The following KIF18A variants were observed in gnomAD, a reference collection of about 807,000 sequenced individuals.
KIF18A encodes kinesin family member 18A, also known as kinesin-like protein KIF18A.
In KIF18A, 67 loss-of-function variants were observed where a neutral mutation model predicts 103.3. The ratio of observed to expected loss-of-function variants is 0.65; its 90% CI spans 0.53 to 0.79. The LOEUF (loss-of-function observed/expected upper bound fraction) is 0.79, where lower values mean the gene tolerates loss of function less well. KIF18A is among the 30% of genes least tolerant of loss of function. The pLI is 0.00. For synonymous variants in KIF18A, 367 were observed against 355.5 expected, an observed-to-expected ratio of 1.03 and a Z score of -0.36; for missense variants, 1,032 against 1,062.5, an observed-to-expected ratio of 0.97 and a Z score of 0.40.
intron 6 of KIF18A, 38 bp from the exon 7 acceptor site, chr11:28,084,846 C>A: frequency 1.3e-6 from 2 of 1,522,970 alleles, no homozygotes; most frequent in South Asian, 1.2e-5. Flanking sequence ...TCATTTTCCA[C>A]ATTTAAATGC....
At chr11:28,044,580 T>C (rs1475113399) in intron 13 of KIF18A, among the ~76,000 whole-genome samples, 1 of 152,102 alleles carries the variant, frequency 6.6e-6, no homozygotes, top group African/African-American at 2.4e-5. Flanking sequence ...GTTCCTGCAT[T>C]ATGGCTAGAG....
At chr11:28,045,678 T>C (rs1460781541) in intron 13 of KIF18A, among the ~76,000 whole-genome samples, 3 of 151,970 alleles carry the variant, frequency 2.0e-5, no homozygotes, top group Non-Finnish European at 4.4e-5. Context: ...GGTGGCGGTG[T>C]TGTAAGTGAG....
At chr11:28,077,681 G>A (rs1377265813) in intron 9 of KIF18A, among the ~76,000 whole-genome samples, 4 of 152,076 alleles carry the variant, frequency 2.6e-5, no homozygotes, top group African/African-American at 7.2e-5. Context: ...AAGTGACAGA[G>A]CCAGTTTTTA....
intron 13 of KIF18A, among the ~76,000 whole-genome samples, chr11:28,039,475 T>C (rs1850533126): frequency 6.6e-6 from 1 of 151,734 alleles, no homozygotes; most frequent in African/African-American, 2.4e-5. Flanking sequence ...ACAAGAATTA[T>C]AGAGTCATTA....
In KIF18A at chr11:28,028,331, T is replaced by C. The variant is rs1372288094; in HGVS notation, c.2505-4481A>G. Among the ~76,000 whole-genome samples, 5 of 152,036 alleles carry C rather than the reference T, an allele frequency of 3.3e-5. No individual in the cohort carries two copies. The South Asian group carries it at 1.0e-3, about 31-fold the overall frequency. ...AACAGAAATTAGAACAATCTGTCTC[T>C]CAGAATACAGTGCAATCAAACTAGA... On this transcript the variant is annotated intron_variant, in intron 15 of 16. Coordinates refer to ENST00000263181, the MANE Select transcript of KIF18A (RefSeq NM_031217.4).
At position 28,062,380 on chromosome 11, in the gene KIF18A, A is replaced by C; in HGVS notation, c.1712+15T>G. The C allele has an allele frequency of 6.3e-7, 1 of 1,578,034 alleles. No homozygotes were observed. The highest frequency in any genetic ancestry group is 1.2e-5 in the South Asian group (1 of 83,476). On this transcript the variant is annotated intron_variant, in intron 12 of 16. Transcript: ENST00000263181. ...TAGTGTTAAAATTGGAAAATAGGTAAATGTATGTACTCACGCTTCAGTCTG... is the reference window on the plus strand; with the variant it reads ...TAGTGTTAAAATTGGAAAATAGGTACATGTATGTACTCACGCTTCAGTCTG...
chr11:28,095,600 A>G (rs1181327043), intron 2 of KIF18A, among the ~76,000 whole-genome samples: 1 of 152,222 alleles, frequency 6.6e-6, no homozygotes, highest in Admixed American at 6.5e-5. Flanking sequence ...AATAAATACC[A>G]GATAGATGCC....
chr11:28,091,647 A>T (rs1269010190), intron 3 of KIF18A, 134 bp from the exon 4 acceptor site: 2 of 492,388 alleles, frequency 4.1e-6, no homozygotes, highest in African/African-American at 2.0e-5. Context: ...TATTCACCTC[A>T]TACCTTCGAT....
intron 13 of KIF18A, among the ~76,000 whole-genome samples, chr11:28,048,604 T>G (rs1850670435): frequency 6.6e-6 from 1 of 152,104 alleles, no homozygotes; most frequent in African/African-American, 2.4e-5. Context: ...TATAAGTTAA[T>G]AAAGTATATC....
At chr11:28,022,819 A>G (rs939957494) in intron 16 of KIF18A, among the ~76,000 whole-genome samples, 24 of 152,208 alleles carry the variant, frequency 1.6e-4, no homozygotes, top group Non-Finnish European at 1.5e-5. Flanking sequence ...TGGCTACTAC[A>G]GGAAGCAGGC....
At chr11:28,081,596 C>T (rs1218581083) in intron 9 of KIF18A, among the ~76,000 whole-genome samples, 1 of 152,116 alleles carries the variant, frequency 6.6e-6, no homozygotes, top group Non-Finnish European at 1.5e-5. Flanking sequence ...CTAATGCTCA[C>T]TGACAATACA....
At chr11:28,065,249 C>T (rs1029542778) in intron 11 of KIF18A, among the ~76,000 whole-genome samples, 1 of 151,824 alleles carries the variant, frequency 6.6e-6, no homozygotes, top group Non-Finnish European at 1.5e-5. Context: ...GTCCCTTTAT[C>T]GTAAAGTTAT....
Position 28,045,622 on chromosome 11 carries a change from T to C in KIF18A, c.1949-8958A>G, listed in dbSNP as rs1040764643. Among the ~76,000 whole-genome samples, 9 of 152,216 alleles carry C rather than the reference T, an allele frequency of 5.9e-5. 1 individual carries two copies. In the Middle Eastern group the frequency reaches 0.017, roughly 288 times the overall value. ...TATATAACATACACATGTCACTTCT[T>C]ACCTGATCCTGCTAAAATACATTAG... On this transcript the variant is annotated intron_variant, in intron 13 of 16. Coordinates refer to ENST00000263181, the MANE Select transcript of KIF18A (RefSeq NM_031217.4).
In KIF18A at chr11:28,044,889, A is replaced by G. The variant is rs141794556; in HGVS notation, c.1949-8225T>C. The stretch of plus-strand genomic sequence containing the variant: ...TTAAATTTGCTATTAATAAAACCAC[A>G]GCTAAAAATAAAAACAAAAACAGTG... On this transcript the variant is annotated intron_variant, in intron 13 of 16. Transcript: ENST00000263181. Among the ~76,000 whole-genome samples the G allele has an allele frequency of 3.3e-3, 498 of 152,216 alleles. 5 individuals carry two copies. The highest frequency in any genetic ancestry group is 0.012 in the African/African-American group (480 of 41,566).
chr11:28,031,576 A>G (rs556178820), intron 15 of KIF18A, among the ~76,000 whole-genome samples: 2 of 151,676 alleles, frequency 1.3e-5, no homozygotes, highest in South Asian at 4.2e-4. Context: ...GATATACCAA[A>G]TGTAAATAAC....
At chr11:28,035,544 TGAAGA>T (rs770819335) in intron 14 of KIF18A, 50 bp from the exon 15 acceptor site, 16 of 1,152,450 alleles carry the variant, frequency 1.4e-5, no homozygotes, top group East Asian at 5.5e-5. Flanking sequence ...ATTTGAACTA[TGAAGA>T]GAAAAGGAAG....
rs1851288786 is a variant in KIF18A, at chr11:28,090,636, C to T, written c.680G>A (p.Arg227His). 1.3e-6 allele frequency: 2 copies of T among 1,594,738 alleles called. No individual in the cohort carries two copies. Among genetic ancestry groups the T allele is most frequent in the Non-Finnish European group, 1.7e-6 (2 of 1,163,430 alleles). ...TCTTACTTGGAAAACAGCATGAGAA[C>T]GAGAAGATGTGGCATTCATATCAGT... ...HPTDMNATSS[R>H]SHAVFQIYLR... The change falls in exon 5 of 17, where the codon CGT becomes CAT. Residue 227 changes from arginine to histidine, a missense_variant. Coordinates refer to ENST00000263181, the MANE Select transcript of KIF18A (RefSeq NM_031217.4).
In KIF18A at chr11:28,097,856, T is replaced by C. The variant is rs138740326; in HGVS notation, c.92A>G (p.His31Arg). 658 of 1,612,560 alleles carry C rather than the reference T, an allele frequency of 4.1e-4. 8 individuals carry two copies. The East Asian group carries it at 0.01, about 25-fold the overall frequency. The change falls in exon 2 of 17, where the codon CAT (histidine) becomes CGT (arginine). Residue 31 changes from histidine (H) to arginine (R), a missense_variant. By Grantham distance (29) the His-to-Arg change is conservative. Transcript: ENST00000263181. ...TTTATCCACAACATGAACCACTTTA[T>C]GAAATCCAGCTGCTTTTTCTTTAGT... ...ENTKEKAAGF[H>R]KVVHVVDKHI...
At chr11:28,082,507 T>C (rs1049806862) in intron 9 of KIF18A, among the ~76,000 whole-genome samples, 1 of 152,172 alleles carries the variant, frequency 6.6e-6, no homozygotes, top group African/African-American at 2.4e-5. Context: ...ATAAAGTATG[T>C]CTAAAATTAA....
Sources: allele counts gnomAD v4.1 joint callset (sites outside exome capture counted in the v4.1 genomes callset), GRCh38; gene constraint gnomAD v4.1.1; transcripts MANE v1.5; gene names NCBI Gene and HGNC (gene_info 2026-07-23, HGNC 2026-07-21).